The following ZCCHC2 variants were observed in gnomAD, a reference collection of about 807,000 sequenced individuals.
ZCCHC2 encodes zinc finger CCHC-type containing 2.
ZCCHC2 carries 39 observed loss-of-function variants against 103.6 expected under a neutral mutation model. That is an observed-to-expected ratio of 0.38 (90% CI 0.29 to 0.49). The LOEUF is 0.49. ZCCHC2 is among the 20% of genes least tolerant of loss of function. The probability of loss-of-function intolerance (pLI) is 0.96; values close to 1 mark genes in which losing one functional copy is unlikely to be tolerated. For missense variants in ZCCHC2, 1,483 were observed against 1,491.0 expected (o/e 0.99, Z 0.09); for synonymous variants, 687 against 608.9 (o/e 1.13, Z -1.89).
chr18:62,583,455 T>A (rs1917086974), downstream of ZCCHC2, among the ~76,000 whole-genome samples: 1 of 152,202 alleles, frequency 6.6e-6, no homozygotes, highest in African/African-American at 2.4e-5. Context: ...TCCAAAGAGA[T>A]GAGAAAGCAC....
intron 8 of ZCCHC2, among the ~76,000 whole-genome samples, 191 bp downstream of exon 8, chr18:62,560,835 T>TTTTTG (rs944041354): frequency 1.4e-4 from 22 of 152,160 alleles, no homozygotes; most frequent in Non-Finnish European, 3.1e-4. Context: ...CTGTGGTTTT[T>TTTTTG]TTTTGTTTTG....
chr18:62,544,640 T>C (rs1915336237), intron 3 of ZCCHC2, among the ~76,000 whole-genome samples, 162 bp from the exon 4 acceptor site: 2 of 152,242 alleles, frequency 1.3e-5, no homozygotes, highest in Admixed American at 1.3e-4. Context: ...GCAGTTAATT[T>C]TACTAATTTT....
chr18:62,559,060 G>A lies in ZCCHC2; in HGVS notation c.1492+290G>A, dbSNP rs140920859. Among the ~76,000 whole-genome samples, 291 of 152,324 alleles carry A rather than the reference G, an allele frequency of 1.9e-3. 2 individuals are homozygous for A. Among genetic ancestry groups the A allele is most frequent in the African/African-American group, 6.5e-3 (271 of 41,582 alleles). ...AGATTCCCAGTTACATCATGCAGAA[G>A]ACATTCAAGTGAATAACAACTTATA... On this transcript the variant is annotated intron_variant, in intron 7 of 13. Transcript: ENST00000269499.
intron 4 of ZCCHC2, among the ~76,000 whole-genome samples, chr18:62,547,707 A>G (rs372289717): frequency 1.3e-5 from 2 of 152,028 alleles, no homozygotes; most frequent in Admixed American, 1.3e-4. Context: ...GATTACAGGC[A>G]TGCACCACCA....
chr18:62,560,626 G>A lies in ZCCHC2; in HGVS notation c.1532G>A (p.Gly511Glu), dbSNP rs746421521. 1 of 1,613,094 alleles carries A rather than the reference G, an allele frequency of 6.2e-7. No individual in the cohort carries two copies. Among genetic ancestry groups the A allele is most frequent in the Non-Finnish European group, 8.5e-7 (1 of 1,179,444 alleles). The change falls in exon 8 of 14, where the codon GGG becomes GAG. Residue 511 changes from glycine to glutamate, a missense_variant. By Grantham distance (98) the Gly-to-Glu change is moderately conservative. Coordinates refer to ENST00000269499, the MANE Select transcript of ZCCHC2 (RefSeq NM_017742.6). ...GCCATAATCCACAAGAAGCATACTG[G>A]GAAAAGTCCCATTGTGAAGTAAGTA... ...QHAIIHKKHT[G>E]KSPIVNNIGT... is the part of the protein sequence containing the mutation.
At chr18:62,531,791 T>TAAAA (rs11315078) in intron 1 of ZCCHC2, among the ~76,000 whole-genome samples, 1 of 113,482 alleles carries the variant, frequency 8.8e-6, no homozygotes, top group Non-Finnish European at 1.8e-5. Context: ...CTACAAAAAG[T>TAAAA]AAAAAAAAAA....
intron 14 of ZCCHC2, among the ~76,000 whole-genome samples, chr18:62,583,749 T>G (rs939171397): frequency 6.6e-6 from 1 of 151,444 alleles, no homozygotes; most frequent in African/African-American, 2.4e-5. Flanking sequence ...GTGTGAGATA[T>G]GAAGAAATGG....
Position 62,556,184 on chromosome 18 carries a change from C to G in ZCCHC2, c.1314-19C>G. On this transcript the variant is annotated intron_variant, in intron 5 of 13. Transcript: ENST00000269499. ...AACATTACCTGAAATTAACAAATCT[C>G]TTTTCTTTTTATGTGCAGGCAGCTA... is the stretch of plus-strand genomic sequence containing the variant. 1.3e-6 allele frequency: 2 copies of G among 1,566,940 alleles called. No individual in the cohort carries two copies. The highest frequency in any genetic ancestry group is 2.3e-5 in the South Asian group (2 of 85,114).
exon 15 of ZCCHC2, chr18:62,585,484 G>A (rs185271173): frequency 6.6e-6 from 1 of 152,386 alleles, no homozygotes; most frequent in East Asian, 1.9e-4. Context: ...TGCTGAAGGT[G>A]AAGAATGCCA....
chr18:62,545,420 T>C (rs1915369832), intron 4 of ZCCHC2, among the ~76,000 whole-genome samples: 1 of 151,958 alleles, frequency 6.6e-6, no homozygotes. Context: ...TCTTCCTTCT[T>C]TGAGTTCCAG....
chr18:62,585,203 A>G lies in ZCCHC2; in HGVS notation c.*831A>G, dbSNP rs139854333. ...TGTCAGATAAATTCAAGTGGCATCA[A>G]TGCAGATTTTAAATGTGTACAGATA... On this transcript the variant is annotated 3_prime_UTR_variant and NMD_transcript_variant, in exon 15 of 15. Transcript: ENST00000585873. The G allele has an allele frequency of 1.7e-4, 26 of 152,380 alleles. No homozygotes were observed. The East Asian group carries it at 4.2e-3, about 25-fold the overall frequency. 9.4% of individuals were successfully genotyped at this position (152,380 alleles called of 1,614,324 possible). A position where few individuals can be genotyped will look rare whatever the true frequency, so the allele number is the denominator to read the frequency against.
At position 62,577,601 on chromosome 18, in the gene ZCCHC2, T is replaced by G. The variant is rs557211101; in HGVS notation, c.*1022T>G. 12 of 152,748 alleles carry G rather than the reference T, an allele frequency of 7.9e-5. No individual in the cohort carries two copies. The South Asian group carries it at 2.3e-3, about 29-fold the overall frequency. 9.5% of individuals were successfully genotyped at this position (152,748 alleles called of 1,614,324 possible). A position where few individuals can be genotyped will look rare whatever the true frequency, so the allele number is the denominator to read the frequency against. On this transcript the variant is annotated 3_prime_UTR_variant, in exon 14 of 14. Coordinates refer to ENST00000269499, the MANE Select transcript of ZCCHC2 (RefSeq NM_017742.6). Reference sequence around the variant, plus strand: ...TGGGTTTCTACCATAAGTCAGGTTGTTTGTTCCCTAACCTGTCTCTCATAG... The same window carrying G: ...TGGGTTTCTACCATAAGTCAGGTTGGTTGTTCCCTAACCTGTCTCTCATAG...
Position 62,575,427 on chromosome 18 carries a change from G to A in ZCCHC2, c.3346G>A (p.Val1116Ile), listed in dbSNP as rs1364546617. 12 of 1,613,904 alleles carry A rather than the reference G, an allele frequency of 7.4e-6. No individual in the cohort carries two copies. The highest frequency in any genetic ancestry group is 5.0e-5 in the Admixed American group (3 of 60,006). The change falls in exon 13 of 14, where the codon GTA becomes ATA. Residue 1116 changes from valine to isoleucine, a missense_variant. Coordinates refer to ENST00000269499, the MANE Select transcript of ZCCHC2 (RefSeq NM_017742.6). ...RFYPVYPAPNVVANTSGSGPK... is the reference protein window; with the variant it reads ...RFYPVYPAPNIVANTSGSGPK... ...CTATCCTGTATATCCAGCACCTAAC[G>A]TAGTTGCCAACACCAGTGGTTCGGG...
At chr18:62,537,911 A>C (rs1279496036) in intron 1 of ZCCHC2, among the ~76,000 whole-genome samples, 1 of 152,128 alleles carries the variant, frequency 6.6e-6, no homozygotes, top group Admixed American at 6.5e-5. Context: ...TAAGGGTTCC[A>C]TTTTCTTCAT....
At chr18:62,539,561 C>T in intron 1 of ZCCHC2, 120 bp from the exon 2 acceptor site, 4 of 705,418 alleles carry the variant, frequency 5.7e-6, no homozygotes, top group Middle Eastern at 5.3e-4. Context: ...GTGCAGTCAC[C>T]TATTGGACCT....
rs563696641 is a variant in ZCCHC2 at position 62,523,648 on chromosome 18, C to T, written c.224C>T (p.Ala75Val). The T allele has an allele frequency of 3.2e-5, 41 of 1,294,366 alleles. No homozygotes were observed. The highest frequency in any genetic ancestry group is 8.3e-5 in the Admixed American group (2 of 24,018). The allele number at this position is 1,294,366 out of a possible 1,614,324, so 80.2% of individuals were successfully genotyped here. ...CTCGGGCCGCCTGTTGCTGGTGGAG[C>T]GGCGGCGGGGGCGGGTATGCCGGGC... Reference protein sequence around the residue: ...RGLGPPVAGGAAAGAGMPGGG... With the variant: ...RGLGPPVAGGVAAGAGMPGGG... Residue 75 changes from alanine to valine, a missense_variant, in exon 1 of 14, where the codon GCG becomes GTG. This residue lies in a region of ZCCHC2 where 568 missense variants were observed against 525.1 expected (regional missense o/e 1.08). Coordinates refer to ENST00000269499, the MANE Select transcript of ZCCHC2 (RefSeq NM_017742.6).
chr18:62,552,575 C>CA (rs980216715), intron 5 of ZCCHC2: 8 of 151,998 alleles, frequency 5.3e-5, no homozygotes, highest in Non-Finnish European at 8.8e-5. Flanking sequence ...GAGCCATTTT[C>CA]AAAAAATGGC....
At chr18:62,535,639 C>G (rs922921613) in intron 1 of ZCCHC2, among the ~76,000 whole-genome samples, 2 of 152,176 alleles carry the variant, frequency 1.3e-5, no homozygotes, top group African/African-American at 4.8e-5. Flanking sequence ...CATGTGGTGT[C>G]TCAGGACTCC....
chr18:62,554,768 T>C (rs1422151734), intron 5 of ZCCHC2, among the ~76,000 whole-genome samples: 1 of 152,226 alleles, frequency 6.6e-6, no homozygotes, highest in East Asian at 1.9e-4. Flanking sequence ...TTAGGTAATA[T>C]GTTCAGACCT....
Sources: allele counts gnomAD v4.1 joint callset (sites outside exome capture counted in the v4.1 genomes callset), GRCh38; gene constraint gnomAD v4.1.1; regional missense constraint gnomAD v4.1.1; transcripts MANE v1.5; gene names NCBI Gene and HGNC (gene_info 2026-07-23, HGNC 2026-07-21).